Variants in RASAL2 observed in about 807,000 individuals in gnomAD.
The protein encoded by RASAL2 is RAS protein activator like 2, also known as ras GTPase-activating protein nGAP.
In RASAL2, 58 loss-of-function variants were observed where a neutral mutation model predicts 128.9. The ratio of observed to expected loss-of-function variants is 0.45; its 90% CI spans 0.36 to 0.56. The LOEUF (loss-of-function observed/expected upper bound fraction) is 0.56, where lower values mean the gene tolerates loss of function less well. Among genes scored for constraint, RASAL2 ranks in the 20% least tolerant of loss-of-function variants. RASAL2 has a pLI of 0.00. For synonymous variants in RASAL2, 561 were observed against 580.8 expected (o/e 0.97, Z 0.49); for missense variants, 1,360 against 1,601.6 (o/e 0.85, Z 2.57).
chr1:178,137,082 A>G (rs1481730429), intron 1 of RASAL2, among the ~76,000 whole-genome samples: 1 of 152,234 alleles, frequency 6.6e-6, no homozygotes, highest in African/African-American at 2.4e-5. Context: ...TTAAATCCAC[A>G]AGGGCTATAA....
chr1:178,252,299 G>T (rs1356483739), intron 1 of RASAL2, among the ~76,000 whole-genome samples: 2 of 152,004 alleles, frequency 1.3e-5, no homozygotes, highest in East Asian at 3.9e-4. Flanking sequence ...TTATGAATAT[G>T]CAGATAGTAT....
At chr1:178,311,563 A>G (rs187465615) in intron 3 of RASAL2, among the ~76,000 whole-genome samples, 3 of 152,148 alleles carry the variant, frequency 2.0e-5, no homozygotes, top group Admixed American at 2.0e-4. Context: ...AAGCCCAAGT[A>G]TCTTTGGATT....
intron 1 of RASAL2, among the ~76,000 whole-genome samples, chr1:178,178,371 C>A (rs930045837): frequency 6.6e-6 from 1 of 152,046 alleles, no homozygotes; most frequent in African/African-American, 2.4e-5. Flanking sequence ...TCATTCAAAT[C>A]ATTACTTAGT....
At chr1:178,164,508 T>C (rs5001545) in intron 1 of RASAL2, among the ~76,000 whole-genome samples, 10,764 of 93,826 alleles carry the variant, frequency 0.11, 763 homozygotes, top group African/African-American at 0.29. Context: ...TGTGTGTGCG[T>C]GTGTGTGTGT....
intron 1 of RASAL2, among the ~76,000 whole-genome samples, chr1:178,101,316 T>G (rs1027110746): frequency 1.3e-5 from 2 of 152,214 alleles, no homozygotes; most frequent in African/African-American, 2.4e-5. Flanking sequence ...CTGTCTGAAT[T>G]TTACCTTCCC....
intron 4 of RASAL2, among the ~76,000 whole-genome samples, chr1:178,409,048 C>T (rs1200947124): frequency 1.3e-5 from 2 of 151,980 alleles, no homozygotes; most frequent in South Asian, 2.1e-4. Context: ...ACAGTTATAG[C>T]GGAAGGAGAA....
At chr1:178,462,326 A>G (rs1678260226) in intron 14 of RASAL2, among the ~76,000 whole-genome samples, 1 of 152,196 alleles carries the variant, frequency 6.6e-6, no homozygotes, top group Non-Finnish European at 1.5e-5. Flanking sequence ...AATTCTAAAG[A>G]TAATCCAGAA....
intron 1 of RASAL2, among the ~76,000 whole-genome samples, chr1:178,266,991 CAGCCCAGCTCTAA>C (rs1665987500): frequency 6.6e-6 from 1 of 152,070 alleles, no homozygotes; most frequent in African/African-American, 2.4e-5. Flanking sequence ...CAAAGGTTTC[CAGCCCAGCTCTAA>C]GAGCTGGGCT....
intron 3 of RASAL2, among the ~76,000 whole-genome samples, chr1:178,371,843 C>T (rs543240147): frequency 1.3e-5 from 2 of 152,270 alleles, no homozygotes; most frequent in South Asian, 4.1e-4. Context: ...TAAGCTGCTT[C>T]CAGTGTAGGA....
At chr1:178,268,545 C>T (rs1022158613) in intron 1 of RASAL2, among the ~76,000 whole-genome samples, 1 of 151,998 alleles carries the variant, frequency 6.6e-6, no homozygotes, top group African/African-American at 2.4e-5. Flanking sequence ...TGCTTGAGCC[C>T]AGGAGTTAAA....
chr1:178,199,001 T>G (rs1299275322), intron 1 of RASAL2, among the ~76,000 whole-genome samples: 1 of 152,206 alleles, frequency 6.6e-6, no homozygotes, highest in African/African-American at 2.4e-5. Flanking sequence ...GCCGCTTTGT[T>G]TACCTACTCA....
chr1:178,264,002 T>TA (rs2102144481), intron 1 of RASAL2, among the ~76,000 whole-genome samples: 1 of 152,360 alleles, frequency 6.6e-6, no homozygotes, highest in Admixed American at 6.5e-5. Context: ...TAGGTACTCT[T>TA]ACTTTTCTTA....
intron 1 of RASAL2, among the ~76,000 whole-genome samples, chr1:178,275,815 A>C (rs561803991): frequency 6.6e-6 from 1 of 152,224 alleles, no homozygotes; most frequent in African/African-American, 2.4e-5. Flanking sequence ...CCTTCTCTTA[A>C]CAAGGGTGAT....
intron 1 of RASAL2, among the ~76,000 whole-genome samples, chr1:178,143,754 G>GTTT (rs5778975): frequency 2.8e-5 from 4 of 143,112 alleles, no homozygotes; most frequent in Non-Finnish European, 6.2e-5. Context: ...TATTGTTTGG[G>GTTT]TTTTTTTTTT....
chr1:178,468,169 C>G (rs1182541312), intron 17 of RASAL2, among the ~76,000 whole-genome samples: 1 of 152,118 alleles, frequency 6.6e-6, no homozygotes, highest in Non-Finnish European at 1.5e-5. Flanking sequence ...TTTATCATTG[C>G]AAAATATGGT....
chr1:178,271,292 T>C (rs1255831348), intron 1 of RASAL2, among the ~76,000 whole-genome samples: 1 of 152,210 alleles, frequency 6.6e-6, no homozygotes, highest in Non-Finnish European at 1.5e-5. Context: ...CTTGAACATG[T>C]TTCTTCTAGC....
In RASAL2 at chr1:178,163,462, G is replaced by A. The variant is rs1007880174; in HGVS notation, c.202+68768G>A. ...CATATATATTTAGGTCTTTGATCCTGTGATGAGTCAGTTTTTGTATATGGT... is the reference window on the plus strand; with the variant it reads ...CATATATATTTAGGTCTTTGATCCTATGATGAGTCAGTTTTTGTATATGGT... On this transcript the variant is annotated intron_variant, in intron 1 of 17. Coordinates refer to ENST00000367649, the MANE Select transcript of RASAL2 (RefSeq NM_170692.4). Among the ~76,000 whole-genome samples the A allele has an allele frequency of 2.0e-5, 3 of 152,088 alleles. No homozygotes were observed. In the East Asian group the frequency reaches 5.8e-4, roughly 29 times the overall value.
intron 1 of RASAL2, among the ~76,000 whole-genome samples, chr1:178,206,043 T>G (rs1181481330): frequency 6.6e-6 from 1 of 152,194 alleles, no homozygotes; most frequent in Non-Finnish European, 1.5e-5. Flanking sequence ...TTCTTCAGCT[T>G]TCTTCCTTAG....
intron 1 of RASAL2, among the ~76,000 whole-genome samples, chr1:178,177,775 G>A (rs965429324): frequency 2.5e-4 from 38 of 152,282 alleles, no homozygotes; most frequent in African/African-American, 8.4e-4. Context: ...TTCCAGAGAG[G>A]CAGGCAAGGG....
Sources: allele counts gnomAD v4.1 joint callset (sites outside exome capture counted in the v4.1 genomes callset), GRCh38; gene constraint gnomAD v4.1.1; transcripts MANE v1.5; gene names NCBI Gene and HGNC (gene_info 2026-07-23, HGNC 2026-07-21).